The following ARHGEF11 variants were observed in gnomAD, a reference collection of about 807,000 sequenced individuals.
ARHGEF11 encodes Rho guanine nucleotide exchange factor 11.
A neutral mutation model predicts 193.7 loss-of-function variants in ARHGEF11; 55 were observed. The ratio of observed to expected loss-of-function variants is 0.28; its 90% confidence interval spans 0.23 to 0.36. ARHGEF11 has a LOEUF of 0.36. Among genes scored for constraint, ARHGEF11 ranks in the 10% least tolerant of loss-of-function variants. ARHGEF11 has a pLI of 1.00. For synonymous variants in ARHGEF11, 693 were observed against 768.0 expected (o/e 0.90, Z 1.62); for missense variants, 1,723 against 2,005.6 (o/e 0.86, Z 2.69).
At position 157,013,299 on chromosome 1, in the gene ARHGEF11, A is replaced by ACACACACACACACC. The variant is rs534893600; in HGVS notation, c.33-27127_33-27126insGGTGTGTGTGTGTG. On this transcript the variant is annotated intron_variant, in intron 1 of 40. Transcript: ENST00000368194. The stretch of plus-strand genomic sequence containing the variant: ...CACACACACACACACACACACACAC[A>ACACACACACACACC]CCAAGAACCTTCTCCGGTGGGTGGG... Among the ~76,000 whole-genome samples the ACACACACACACACC allele has an allele frequency of 2.5e-3, 376 of 148,714 alleles. 3 individuals are homozygous for ACACACACACACACC. Among genetic ancestry groups the ACACACACACACACC allele is most frequent in the South Asian group, 0.013 (59 of 4,490 alleles).
intron 34 of ARHGEF11, 29 bp downstream of exon 34, chr1:156,941,835 T>A (rs1657036729): frequency 2.5e-6 from 4 of 1,580,044 alleles, no homozygotes; most frequent in Non-Finnish European, 3.4e-6. Context: ...GTGGAGAGAG[T>A]GCAGGGTCTG....
intron 3 of ARHGEF11, 101 bp downstream of exon 3, chr1:156,984,238 C>T (rs749013248): frequency 7.4e-6 from 7 of 944,076 alleles, no homozygotes; most frequent in Non-Finnish European, 1.1e-5. Context: ...TAGAGTAATT[C>T]ATTCATGCCC....
intron 30 of ARHGEF11, among the ~76,000 whole-genome samples, chr1:156,944,667 C>T (rs1457619614): frequency 6.6e-6 from 1 of 152,196 alleles, no homozygotes; most frequent in African/African-American, 2.4e-5. Context: ...CTCCCACCTG[C>T]CCCTACCACG....
At chr1:157,016,561 T>C (rs1275943568) in intron 1 of ARHGEF11, among the ~76,000 whole-genome samples, 1 of 152,138 alleles carries the variant, frequency 6.6e-6, no homozygotes, top group African/African-American at 2.4e-5. Flanking sequence ...TGTTGTTAGG[T>C]TGTTTGGCGT....
intron 37 of ARHGEF11, chr1:156,939,022 C>T (rs1181290211): frequency 5.2e-6 from 1 of 193,692 alleles, no homozygotes; most frequent in Non-Finnish European, 1.0e-5. Context: ...CTCCCTGCCA[C>T]CTTGTTCACT....
chr1:156,979,171 T>G (rs1663727045), intron 5 of ARHGEF11, 58 bp downstream of exon 5: 1 of 1,532,964 alleles, frequency 6.5e-7, no homozygotes, highest in Non-Finnish European at 9.0e-7. Context: ...CCTCCCTCCT[T>G]TCCTCCCTCT....
chr1:157,013,299 A>ACACACACACACACACACACACC (rs534893600), intron 1 of ARHGEF11, among the ~76,000 whole-genome samples: 24 of 148,728 alleles, frequency 1.6e-4, no homozygotes, highest in East Asian at 1.0e-3. Context: ...ACACACACAC[A>ACACACACACACACACACACACC]CCAAGAACCT....
chr1:157,032,197 G>C (rs1400663263), intron 1 of ARHGEF11, among the ~76,000 whole-genome samples: 1 of 152,190 alleles, frequency 6.6e-6, no homozygotes, highest in Non-Finnish European at 1.5e-5. Flanking sequence ...GGGTAAGCAA[G>C]GTTTCCCAGA....
chr1:156,938,561 G>A (rs1416995957), intron 37 of ARHGEF11, 48 bp from the exon 38 acceptor site: 14 of 1,569,784 alleles, frequency 8.9e-6, no homozygotes, highest in Non-Finnish European at 1.2e-5. Flanking sequence ...CAAAACACAA[G>A]GAAAGGGAAG....
chr1:156,948,704 C>A lies in ARHGEF11; in HGVS notation c.1926-206G>T. On this transcript the variant is annotated intron_variant, in intron 22 of 40. Transcript: ENST00000368194. The surrounding 1 kb of genome is among the most constrained non-coding windows in gnomAD (Gnocchi z 4.2). ...TGCTCTACAAACTCCTCCTCTCTCC[C>A]CAGCCTAGCCTGATGGATGGACAGT... 1 of 1,519,212 alleles carries A rather than the reference C, an allele frequency of 6.6e-7. No homozygotes were observed. 94.1% of individuals were successfully genotyped at this position (1,519,212 alleles called of 1,614,324 possible).
At chr1:157,014,414 TCTC>T (rs1162199624) in intron 1 of ARHGEF11, among the ~76,000 whole-genome samples, 2 of 152,150 alleles carry the variant, frequency 1.3e-5, no homozygotes, top group Non-Finnish European at 2.9e-5. Context: ...TCTTTTTTTT[TCTC>T]CTCTTTTTGA....
At chr1:156,965,695 C>G (rs530815632) in intron 11 of ARHGEF11, among the ~76,000 whole-genome samples, 1 of 152,140 alleles carries the variant, frequency 6.6e-6, no homozygotes, top group Non-Finnish European at 1.5e-5. Context: ...GCAGCCCAAC[C>G]AGAATAGGTT....
At chr1:156,970,474 G>A (rs1027239473) in intron 8 of ARHGEF11, among the ~76,000 whole-genome samples, 2 of 152,208 alleles carry the variant, frequency 1.3e-5, no homozygotes, top group Admixed American at 6.5e-5. Flanking sequence ...TGAAGGAAGC[G>A]ATGTTGATAG....
chr1:156,978,192 G>C lies in ARHGEF11; in HGVS notation c.510+12C>G, dbSNP rs920107542. 10 of 1,614,036 alleles carry C rather than the reference G, an allele frequency of 6.2e-6. No individual in the cohort carries two copies. In the African/African-American group the frequency reaches 1.1e-4, roughly 17 times the overall value. ...CATTAGGGTGAGGAAAGAAAGCCAG[G>C]AGGATTATTACCTGCAGAGGTTTGG... On this transcript the variant is annotated intron_variant, in intron 6 of 40. Transcript: ENST00000368194.
intron 1 of ARHGEF11, among the ~76,000 whole-genome samples, chr1:156,992,213 T>C (rs1320423920): frequency 1.3e-5 from 2 of 152,244 alleles, no homozygotes; most frequent in African/African-American, 4.8e-5. Context: ...TATTTTCCTT[T>C]CTTCCTTACA....
rs1660887248 is a variant in ARHGEF11, at chr1:156,961,746, C to T, written c.1170G>A (p.Gln390=). The change falls in exon 14 of 41, where the codon CAG becomes CAA. Residue 390 remains glutamine, a synonymous_variant. Transcript: ENST00000368194. ...LLFYLCAEVY[Q]QASPKDSRSL... is the part of the protein sequence containing the mutation. ...TTCGGGAATCCTTGGGGCTTGCCTGCTGATAAACTTCTGCACACAGGTAAA... is the reference window on the plus strand; with the variant it reads ...TTCGGGAATCCTTGGGGCTTGCCTGTTGATAAACTTCTGCACACAGGTAAA... The T allele has an allele frequency of 6.2e-7, 1 of 1,614,066 alleles. No homozygotes were observed. Among genetic ancestry groups the T allele is most frequent in the African/African-American group, 1.3e-5 (1 of 74,922 alleles).
intron 35 of ARHGEF11, 58 bp downstream of exon 35, chr1:156,941,314 C>T: frequency 6.4e-7 from 1 of 1,571,010 alleles, no homozygotes; most frequent in South Asian, 1.1e-5. Context: ...TCACACCCAA[C>T]CTGTGCCTAC....
At chr1:156,971,518 C>T (rs1415325470) in intron 8 of ARHGEF11, among the ~76,000 whole-genome samples, 179 bp downstream of exon 8, 1 of 152,228 alleles carries the variant, frequency 6.6e-6, no homozygotes, top group Non-Finnish European at 1.5e-5. Flanking sequence ...CCAAGTGTCA[C>T]TACAATGCTC....
At position 156,956,570 on chromosome 1, in the gene ARHGEF11, A is replaced by G. The variant is rs188213041; in HGVS notation, c.1527-6T>C. The G allele has an allele frequency of 8.6e-5, 139 of 1,614,134 alleles. No individual in the cohort carries two copies. The highest frequency in any genetic ancestry group is 7.6e-6 in the Non-Finnish European group (9 of 1,179,980). On this transcript the variant is annotated splice_region_variant and splice_polypyrimidine_tract_variant and intron_variant, in intron 18 of 40. Transcript: ENST00000368194. Reference sequence around the variant, plus strand: ...GGGCGAAGTCCATGGGGGCGCTGTAAAAGAGGAACAGTGTCCTGAATCAGA... The same window carrying G: ...GGGCGAAGTCCATGGGGGCGCTGTAGAAGAGGAACAGTGTCCTGAATCAGA...
Sources: gnomAD v4.1 joint callset for allele counts (sites outside exome capture counted in the v4.1 genomes callset) on GRCh38, gnomAD v4.1.1 for gene constraint, Gnocchi (gnomAD v3.1) non-coding constraint, MANE v1.5 for transcripts, NCBI Gene and HGNC (gene_info 2026-07-23, HGNC 2026-07-21) for gene names.